Variants in ZMYM4 observed in about 807,000 individuals in gnomAD.
ZMYM4 encodes the protein zinc finger MYM-type containing 4.
Under a neutral mutation model 183.2 loss-of-function variants are expected in ZMYM4, and 31 were observed. That is an observed-to-expected ratio of 0.17 (90% CI 0.13 to 0.23). ZMYM4 has a LOEUF of 0.23. Ranked by LOEUF, ZMYM4 falls within the 10% of genes least tolerant of loss-of-function variation. The pLI is 1.00. For synonymous variants in ZMYM4, 592 were observed against 631.2 expected (o/e 0.94, Z 0.93); for missense variants, 1,273 against 1,840.3 (o/e 0.69, Z 5.64).
At chr1:35,281,098 C>T (rs528053096) in intron 1 of ZMYM4, among the ~76,000 whole-genome samples, 2 of 152,224 alleles carry the variant, frequency 1.3e-5, no homozygotes, top group South Asian at 2.1e-4. Flanking sequence ...TCCTGGCTAA[C>T]ACAGTGAAAC....
chr1:35,353,081 G>A (rs1643689496), intron 2 of ZMYM4, among the ~76,000 whole-genome samples: 1 of 152,088 alleles, frequency 6.6e-6, no homozygotes, highest in South Asian at 2.1e-4. Flanking sequence ...CCTATCTCAG[G>A]AAATGACACC....
intron 7 of ZMYM4, among the ~76,000 whole-genome samples, chr1:35,376,391 T>C (rs771180921): frequency 5.9e-5 from 9 of 152,246 alleles, no homozygotes; most frequent in Non-Finnish European, 1.2e-4. Context: ...CTTAACTTTC[T>C]GGAAAACTCC....
intron 2 of ZMYM4, among the ~76,000 whole-genome samples, chr1:35,331,691 G>A (rs1241413855): frequency 2.0e-5 from 3 of 151,930 alleles, no homozygotes; most frequent in Non-Finnish European, 4.4e-5. Flanking sequence ...GGAGGCTGAG[G>A]CAGGAGAATC....
chr1:35,360,520 T>C (rs1313431674), intron 3 of ZMYM4, among the ~76,000 whole-genome samples: 1 of 152,148 alleles, frequency 6.6e-6, no homozygotes, highest in Non-Finnish European at 1.5e-5. Context: ...AAGGATATAC[T>C]ATATTTTTCT....
intron 1 of ZMYM4, among the ~76,000 whole-genome samples, chr1:35,272,299 T>G (rs1639648233): frequency 6.6e-6 from 1 of 152,240 alleles, no homozygotes; most frequent in Non-Finnish European, 1.5e-5. Flanking sequence ...CTTTTGACCT[T>G]TGTAATCATG....
chr1:35,283,483 G>A lies in ZMYM4; in HGVS notation c.39+14398G>A, dbSNP rs776250152. Among the ~76,000 whole-genome samples, 95 of 151,168 alleles carry A rather than the reference G, an allele frequency of 6.3e-4. No homozygotes were observed. The Middle Eastern group carries it at 0.014, about 22-fold the overall frequency. On this transcript the variant is annotated intron_variant, in intron 1 of 29. Coordinates refer to ENST00000314607, the MANE Select transcript of ZMYM4 (RefSeq NM_005095.3). ...CTCCCGAATACCTGGGACTACAGGC[G>A]CCCACCACCACACCCGGCCAATTTT...
chr1:35,275,709 C>T (rs1042406775), intron 1 of ZMYM4, among the ~76,000 whole-genome samples: 10 of 152,090 alleles, frequency 6.6e-5, no homozygotes, highest in African/African-American at 9.7e-5. Flanking sequence ...CTTACTTTAG[C>T]AAAGGAGAAA....
At chr1:35,302,932 G>A (rs1005680928) in intron 1 of ZMYM4, among the ~76,000 whole-genome samples, 2 of 151,368 alleles carry the variant, frequency 1.3e-5, no homozygotes, top group Admixed American at 1.3e-4. Flanking sequence ...CTTGAGGCCA[G>A]GAGTTTGAGA....
chr1:35,390,678 C>G (rs1369922574), intron 15 of ZMYM4, among the ~76,000 whole-genome samples: 1 of 152,062 alleles, frequency 6.6e-6, no homozygotes, highest in African/African-American at 2.4e-5. Context: ...TAGATTAAAG[C>G]TGAGTAAAAA....
chr1:35,304,794 T>G (rs1194906303), intron 1 of ZMYM4, among the ~76,000 whole-genome samples: 1 of 152,024 alleles, frequency 6.6e-6, no homozygotes, highest in African/African-American at 2.4e-5. Context: ...CTATCGATGC[T>G]CTTTTTTTAT....
intron 1 of ZMYM4, among the ~76,000 whole-genome samples, chr1:35,276,388 T>G (rs1388041818): frequency 6.6e-6 from 1 of 151,940 alleles, no homozygotes; most frequent in Non-Finnish European, 1.5e-5. Context: ...TATAAATACT[T>G]CCGTGTGTAT....
intron 9 of ZMYM4, among the ~76,000 whole-genome samples, chr1:35,385,080 G>C (rs1260346772): frequency 6.6e-6 from 1 of 152,000 alleles, no homozygotes; most frequent in Non-Finnish European, 1.5e-5. Context: ...CCTGACCTCA[G>C]GTGATCCACC....
intron 1 of ZMYM4, among the ~76,000 whole-genome samples, chr1:35,320,343 G>A (rs1294367508): frequency 6.6e-6 from 1 of 152,206 alleles, no homozygotes; most frequent in Admixed American, 6.5e-5. Context: ...AAAACTTCCG[G>A]ATTGCTGAAC....
intron 1 of ZMYM4, among the ~76,000 whole-genome samples, chr1:35,286,134 G>A (rs187045304): frequency 8.3e-4 from 126 of 152,248 alleles, no homozygotes; most frequent in Admixed American, 2.4e-3. Flanking sequence ...GATCTTATAC[G>A]TAGAATACCC....
At position 35,414,191 on chromosome 1, in the gene ZMYM4, T is replaced by C. The variant is rs1640021872; in HGVS notation, c.4060+108T>C. On this transcript the variant is annotated intron_variant, in intron 27 of 29. Transcript: ENST00000314607. The stretch of plus-strand genomic sequence containing the variant: ...TCATTTTTATTTCTGTCCAGATTTA[T>C]ACCATATTTGGACTTCTGAGGAGAC... 26 of 718,340 alleles carry C rather than the reference T, an allele frequency of 3.6e-5. 1 individual carries two copies. The South Asian group carries it at 4.4e-4, about 12-fold the overall frequency. The allele number at this position is 718,340 out of a possible 1,614,324, so 44.5% of individuals were successfully genotyped here. A position where few individuals can be genotyped will look rare whatever the true frequency, so the allele number is the denominator to read the frequency against.
intron 1 of ZMYM4, among the ~76,000 whole-genome samples, chr1:35,303,314 A>G (rs1641377919): frequency 6.6e-6 from 1 of 151,786 alleles, no homozygotes; most frequent in Admixed American, 6.6e-5. Context: ...GAAAAGAAAA[A>G]AAATTGCTTA....
At chr1:35,280,420 A>G (rs1367018774) in intron 1 of ZMYM4, among the ~76,000 whole-genome samples, 1 of 152,122 alleles carries the variant, frequency 6.6e-6, no homozygotes, top group Non-Finnish European at 1.5e-5. Flanking sequence ...CTACAGGCAT[A>G]AGCCATCATG....
chr1:35,389,184 T>A lies in ZMYM4; in HGVS notation c.2436+102T>A. 1 of 1,210,336 alleles carries A rather than the reference T, an allele frequency of 8.3e-7. No homozygotes were observed. The highest frequency in any genetic ancestry group is 1.1e-6 in the Non-Finnish European group (1 of 884,106). The allele number at this position is 1,210,336 out of a possible 1,614,324, so 75.0% of individuals were successfully genotyped here. On this transcript the variant is annotated intron_variant, in intron 14 of 29. Transcript: ENST00000314607. This position sits in a 1 kb window ranked among gnomAD's most constrained non-coding sequence, Gnocchi z 4.0. ...AGGACAATTTAATTATTTAAAACTT[T>A]TAAGTATTAAATGTTTTATGCCTTC...
At position 35,382,172 on chromosome 1, in the gene ZMYM4, A is replaced by G. The variant is rs940140461; in HGVS notation, c.1569+414A>G. ...AAAAAAAAAAAACAAAAATGTATAT[A>G]TACACACATACACACACACACACAC... On this transcript the variant is annotated intron_variant, in intron 9 of 29. Coordinates refer to ENST00000314607, the MANE Select transcript of ZMYM4 (RefSeq NM_005095.3). Among the ~76,000 whole-genome samples the G allele has an allele frequency of 4.1e-5, 5 of 122,070 alleles. No homozygotes were observed. In the East Asian group the frequency reaches 1.4e-3, roughly 34 times the overall value. The allele number at this position is 122,070 out of a possible 152,430, so 80.1% of individuals were successfully genotyped here.
Sources: gnomAD v4.1 joint callset for allele counts (sites outside exome capture counted in the v4.1 genomes callset) on GRCh38, gnomAD v4.1.1 for gene constraint, Gnocchi (gnomAD v3.1) non-coding constraint, MANE v1.5 for transcripts, NCBI Gene and HGNC (gene_info 2026-07-23, HGNC 2026-07-21) for gene names.